Variants in KIAA1328 observed in about 807,000 individuals in gnomAD.
The protein encoded by KIAA1328 is protein hinderin.
A neutral mutation model predicts 68.1 loss-of-function variants in KIAA1328; 52 were observed. That is an observed-to-expected ratio of 0.76 (90% CI 0.61 to 0.96). KIAA1328 has a LOEUF of 0.96. KIAA1328 is among the 40% of genes least tolerant of loss of function. The probability of loss-of-function intolerance (pLI) is 0.00; values close to 1 mark genes in which losing one functional copy is unlikely to be tolerated. For synonymous variants in KIAA1328, 232 were observed against 239.4 expected (o/e 0.97, Z 0.28); for missense variants, 641 against 677.6 (o/e 0.95, Z 0.60).
intron 5 of KIAA1328, among the ~76,000 whole-genome samples, chr18:36,898,179 T>TA (rs1309343077): frequency 6.6e-6 from 1 of 152,078 alleles, no homozygotes; most frequent in African/African-American, 2.4e-5. Flanking sequence ...TTTCAAATGT[T>TA]ATCTTTTATT....
chr18:36,853,092 AACT>A (rs1473378311), intron 4 of KIAA1328, among the ~76,000 whole-genome samples: 1 of 152,204 alleles, frequency 6.6e-6, no homozygotes, highest in East Asian at 1.9e-4. Flanking sequence ...TAATATAGCA[AACT>A]AAACTGTTTT....
At chr18:37,128,683 A>G (rs1206420361) in intron 7 of KIAA1328, among the ~76,000 whole-genome samples, 1 of 152,240 alleles carries the variant, frequency 6.6e-6, no homozygotes. Flanking sequence ...AAACAAGGAC[A>G]CAAAGACCTG....
chr18:37,078,583 G>C (rs1351492372), intron 7 of KIAA1328, among the ~76,000 whole-genome samples: 39 of 146,532 alleles, frequency 2.7e-4, no homozygotes, highest in African/African-American at 7.8e-4. Context: ...CTACTCATCT[G>C]ACAAAGGGCT....
At chr18:37,089,904 C>A (rs544001734) in intron 7 of KIAA1328, among the ~76,000 whole-genome samples, 5 of 152,300 alleles carry the variant, frequency 3.3e-5, no homozygotes, top group African/African-American at 1.2e-4. Flanking sequence ...GACTTAGAAA[C>A]AACTTATGAC....
intron 7 of KIAA1328, among the ~76,000 whole-genome samples, chr18:37,130,616 CA>C (rs568848548): frequency 5.0e-5 from 7 of 139,354 alleles, no homozygotes; most frequent in Admixed American, 7.2e-5. Flanking sequence ...GACTCCGTCT[CA>C]AAAAAAAAAG....
chr18:37,009,230 C>T (rs1017680683), intron 6 of KIAA1328, among the ~76,000 whole-genome samples: 1 of 152,028 alleles, frequency 6.6e-6, no homozygotes, highest in African/African-American at 2.4e-5. Flanking sequence ...TTTTTACTAT[C>T]TTTCTTTCTT....
chr18:36,993,375 T>A (rs2053266321), intron 6 of KIAA1328, among the ~76,000 whole-genome samples: 1 of 152,212 alleles, frequency 6.6e-6, no homozygotes, highest in Admixed American at 6.5e-5. Context: ...GACTTTTGTT[T>A]TCAGAATAAA....
chr18:37,127,566 A>G (rs1157795561), intron 7 of KIAA1328, among the ~76,000 whole-genome samples: 1 of 152,084 alleles, frequency 6.6e-6, no homozygotes, highest in Non-Finnish European at 1.5e-5. Context: ...AATAATATAA[A>G]ATAAAAATTT....
intron 6 of KIAA1328, among the ~76,000 whole-genome samples, chr18:37,014,309 T>C (rs188762795): frequency 6.6e-6 from 1 of 152,328 alleles, no homozygotes; most frequent in East Asian, 1.9e-4. Context: ...CTTTTGATAA[T>C]TATTTTTGCT....
At chr18:37,059,328 A>G (rs113618640) in intron 6 of KIAA1328, among the ~76,000 whole-genome samples, 5,489 of 152,272 alleles carry the variant, frequency 0.036, 118 homozygotes, top group East Asian at 0.098. Context: ...TCTACAAGGA[A>G]CTTAAACAAA....
chr18:36,902,531 GT>G (rs1429314566), intron 5 of KIAA1328, among the ~76,000 whole-genome samples: 5 of 151,990 alleles, frequency 3.3e-5, no homozygotes, highest in Non-Finnish European at 5.9e-5. Flanking sequence ...TATGCCACTG[GT>G]TTTCAATCCT....
chr18:36,922,388 T>C (rs1164626853), intron 5 of KIAA1328, among the ~76,000 whole-genome samples: 1 of 152,218 alleles, frequency 6.6e-6, no homozygotes, highest in East Asian at 1.9e-4. Context: ...TTGTTCTGGC[T>C]CTTTAACTGA....
At chr18:36,868,412 G>T (rs903865695) in intron 4 of KIAA1328, among the ~76,000 whole-genome samples, 10 of 152,146 alleles carry the variant, frequency 6.6e-5, no homozygotes, top group African/African-American at 2.4e-4. Flanking sequence ...TGAATTGTTT[G>T]CATAGCTGGG....
At chr18:36,859,165 T>A (rs1299781233) in intron 4 of KIAA1328, among the ~76,000 whole-genome samples, 1 of 152,112 alleles carries the variant, frequency 6.6e-6, no homozygotes, top group African/African-American at 2.4e-5. Flanking sequence ...TATCTTAATA[T>A]CTGTGTGTAT....
intron 9 of KIAA1328, among the ~76,000 whole-genome samples, chr18:37,200,585 G>A (rs890730013): frequency 2.0e-5 from 3 of 152,008 alleles, no homozygotes; most frequent in African/African-American, 7.3e-5. Context: ...GCCGAGGCGG[G>A]TGGATCATGA....
intron 5 of KIAA1328, among the ~76,000 whole-genome samples, chr18:36,928,600 T>G (rs2050205184): frequency 6.6e-6 from 1 of 152,122 alleles, no homozygotes; most frequent in African/African-American, 2.4e-5. Flanking sequence ...CTTCAAAAAT[T>G]TTTTGATGTC....
rs770336823 is a variant in KIAA1328 at position 36,936,952 on chromosome 18, A to C, written c.449-22356A>C. ...GGCGGCATGATGCTACCTGACTTCA[A>C]ACTATATACTACAAGGCTACAGTAA... On this transcript the variant is annotated intron_variant, in intron 5 of 9. Transcript: ENST00000280020. Among the ~76,000 whole-genome samples, 8 of 152,308 alleles carry C rather than the reference A, an allele frequency of 5.3e-5. No homozygotes were observed. The East Asian group carries it at 5.8e-4, about 11-fold the overall frequency.
intron 6 of KIAA1328, among the ~76,000 whole-genome samples, chr18:36,964,827 A>G (rs531634018): frequency 6.6e-6 from 1 of 152,068 alleles, no homozygotes; most frequent in Middle Eastern, 3.4e-3. Flanking sequence ...GGTAGGGTCT[A>G]ATAACCATAG....
chr18:37,137,372 C>G (rs2058668747), intron 7 of KIAA1328, among the ~76,000 whole-genome samples: 1 of 152,110 alleles, frequency 6.6e-6, no homozygotes, highest in Non-Finnish European at 1.5e-5. Flanking sequence ...AAAAAACCCT[C>G]ATTTTTGCCT....
Sources: allele counts gnomAD v4.1 joint callset (sites outside exome capture counted in the v4.1 genomes callset), GRCh38; gene constraint gnomAD v4.1.1; transcripts MANE v1.5; gene names NCBI Gene and HGNC (gene_info 2026-07-23, HGNC 2026-07-21).